The following CNTN5 variants were observed in gnomAD, a reference collection of about 807,000 sequenced individuals.
CNTN5 encodes the protein contactin 5.
Under a neutral mutation model 129.1 loss-of-function variants are expected in CNTN5, and 77 were observed. That is an observed-to-expected ratio of 0.60 (90% confidence interval 0.50 to 0.72). The LOEUF is 0.72. Ranked by LOEUF, CNTN5 falls within the 30% of genes least tolerant of loss-of-function variation. The pLI is 0.00. For missense variants in CNTN5, 1,478 were observed against 1,328.8 expected (o/e 1.11, Z -1.75); for synonymous variants, 509 against 465.6 (o/e 1.09, Z -1.20).
intron 16 of CNTN5, among the ~76,000 whole-genome samples, chr11:100,250,026 G>A (rs1044831235): frequency 2.0e-5 from 3 of 151,982 alleles, no homozygotes; most frequent in African/African-American, 7.2e-5. Context: ...CAGAATATCT[G>A]TACGTTAATA....
intron 3 of CNTN5, among the ~76,000 whole-genome samples, chr11:99,597,958 G>A (rs567586040): frequency 2.9e-4 from 44 of 152,008 alleles, no homozygotes; most frequent in Non-Finnish European, 5.7e-4. Flanking sequence ...CATCAGCTAC[G>A]CAGAAATAGT....
At chr11:100,051,187 C>G (rs976836744) in intron 9 of CNTN5, among the ~76,000 whole-genome samples, 1 of 151,890 alleles carries the variant, frequency 6.6e-6, no homozygotes, top group African/African-American at 2.4e-5. Flanking sequence ...CTCTACCAAC[C>G]AACAGCAGAA....
In CNTN5 at chr11:99,480,930, G is replaced by C. The variant is rs184468082; in HGVS notation, c.-70-75215G>C. Among the ~76,000 whole-genome samples the C allele has an allele frequency of 1.2e-4, 19 of 152,116 alleles. 1 individual carries two copies. Among genetic ancestry groups the C allele is most frequent in the Admixed American group, 1.2e-3 (19 of 15,264 alleles). ...TTTTCGATTCAATGAGAATTCATTG[G>C]GGATATTGTGTATCTAAGATAACCA... On this transcript the variant is annotated intron_variant, in intron 2 of 24. Coordinates refer to ENST00000524871, the MANE Select transcript of CNTN5 (RefSeq NM_014361.4).
chr11:100,265,044 GT>G (rs201072108), intron 17 of CNTN5, among the ~76,000 whole-genome samples: 1,941 of 152,004 alleles, frequency 0.013, 33 homozygotes, highest in African/African-American at 0.044. Flanking sequence ...TTTGAGAAGT[GT>G]TTGCTCATAT....
At chr11:99,891,026 C>T (rs1949045346) in intron 6 of CNTN5, among the ~76,000 whole-genome samples, 1 of 152,028 alleles carries the variant, frequency 6.6e-6, no homozygotes, top group Admixed American at 6.6e-5. Flanking sequence ...ACTGTCACAA[C>T]CAAGAGAAGC....
intron 3 of CNTN5, among the ~76,000 whole-genome samples, chr11:99,777,034 T>C (rs1945148054): frequency 6.6e-6 from 1 of 151,924 alleles, no homozygotes; most frequent in Admixed American, 6.6e-5. Context: ...GATTTACTTT[T>C]ACAATGTTCT....
At chr11:99,591,734 G>T (rs7117574) in intron 3 of CNTN5, among the ~76,000 whole-genome samples, 1 of 151,968 alleles carries the variant, frequency 6.6e-6, no homozygotes, top group Non-Finnish European at 1.5e-5. Flanking sequence ...AAGAGAGGCT[G>T]GGGGAACTTG....
chr11:99,193,687 G>T (rs1487047227), intron 1 of CNTN5, among the ~76,000 whole-genome samples: 1 of 152,092 alleles, frequency 6.6e-6, no homozygotes, highest in Non-Finnish European at 1.5e-5. Flanking sequence ...CTCAAATCCT[G>T]AGATGAAAAA....
chr11:100,341,502 G>T (rs1358654872), intron 23 of CNTN5, among the ~76,000 whole-genome samples: 4 of 152,156 alleles, frequency 2.6e-5, no homozygotes, highest in Admixed American at 2.0e-4. Context: ...TTTAGGCAGA[G>T]AATTCTGGCA....
chr11:99,472,617 T>G (rs1945218834), intron 2 of CNTN5, among the ~76,000 whole-genome samples: 1 of 152,156 alleles, frequency 6.6e-6, no homozygotes, highest in African/African-American at 2.4e-5. Flanking sequence ...CAAGCGACAT[T>G]GATGTATTGG....
chr11:99,573,590 AAAAAAT>A lies in CNTN5; in HGVS notation c.55+17327_55+17332del, dbSNP rs1323184561. ...CTCCGTCTCAAAAAAAAATAAAAAT[AAAAAAT>A]AAAAAATAAAAATAGTTCCTAATAA... On this transcript the variant is annotated intron_variant, in intron 3 of 24. Coordinates refer to ENST00000524871, the MANE Select transcript of CNTN5 (RefSeq NM_014361.4). Among the ~76,000 whole-genome samples the A allele has an allele frequency of 1.3e-3, 3 of 2,350 alleles. No individual in the cohort carries two copies. In the Non-Finnish European group the frequency reaches 0.05, roughly 39 times the overall value. 1.5% of individuals were successfully genotyped at this position (2,350 alleles called of 152,430 possible).
chr11:99,636,372 CTT>C (rs34491473), intron 3 of CNTN5, among the ~76,000 whole-genome samples: 2 of 114,014 alleles, frequency 1.8e-5, no homozygotes, highest in Non-Finnish European at 3.4e-5. Context: ...CAAATGAGTT[CTT>C]TTTTTTTTTC....
chr11:99,768,985 A>G (rs556869734), intron 3 of CNTN5, among the ~76,000 whole-genome samples: 18 of 152,120 alleles, frequency 1.2e-4, no homozygotes, highest in Admixed American at 4.6e-4. Context: ...CATTCCTTCT[A>G]TGTTTATGAC....
intron 7 of CNTN5, among the ~76,000 whole-genome samples, chr11:99,938,377 A>G (rs1950361775): frequency 6.6e-6 from 1 of 152,166 alleles, no homozygotes; most frequent in South Asian, 2.1e-4. Context: ...AAAATATCTG[A>G]CACATAGTAA....
intron 13 of CNTN5, among the ~76,000 whole-genome samples, chr11:100,147,700 T>C (rs1299502869): frequency 6.8e-6 from 1 of 147,196 alleles, no homozygotes; most frequent in Non-Finnish European, 1.5e-5. Flanking sequence ...TTCATATTAT[T>C]CACGACACCC....
intron 7 of CNTN5, among the ~76,000 whole-genome samples, chr11:99,932,074 G>A (rs1468829569): frequency 6.6e-6 from 1 of 152,104 alleles, no homozygotes; most frequent in African/African-American, 2.4e-5. Context: ...CTAAGCTTCT[G>A]TTTATCTTAC....
chr11:99,214,796 C>A (rs1860035813), intron 1 of CNTN5, among the ~76,000 whole-genome samples: 1 of 152,032 alleles, frequency 6.6e-6, no homozygotes, highest in African/African-American at 2.4e-5. Context: ...ACAAGGAATT[C>A]CAGTGATACC....
chr11:99,761,205 G>A (rs1205769693), intron 3 of CNTN5, among the ~76,000 whole-genome samples: 4 of 151,866 alleles, frequency 2.6e-5, no homozygotes, highest in Non-Finnish European at 5.9e-5. Context: ...GTTGCCTTTA[G>A]GTATATGGAT....
At chr11:99,098,301 A>G (rs1866568756) in intron 1 of CNTN5, among the ~76,000 whole-genome samples, 1 of 152,108 alleles carries the variant, frequency 6.6e-6, no homozygotes, top group African/African-American at 2.4e-5. Context: ...ATTATTCCTG[A>G]AGAAGCAGGT....
Sources: allele counts gnomAD v4.1 joint callset (sites outside exome capture counted in the v4.1 genomes callset), GRCh38; gene constraint gnomAD v4.1.1; transcripts MANE v1.5; gene names NCBI Gene and HGNC (gene_info 2026-07-23, HGNC 2026-07-21).